ARHGAP35: variants seen among roughly 807,000 people sequenced by gnomAD.
ARHGAP35 encodes the protein rho GTPase-activating protein 35.
Under a neutral mutation model 111.1 loss-of-function variants are expected in ARHGAP35, and 15 were observed. The observed-to-expected ratio is 0.13, with a 90% CI of 0.09 to 0.21. ARHGAP35 has a LOEUF of 0.21. Among genes scored for constraint, ARHGAP35 ranks in the 10% least tolerant of loss-of-function variants. The probability of loss-of-function intolerance (pLI) is 1.00; values close to 1 mark genes in which losing one functional copy is unlikely to be tolerated. For synonymous variants in ARHGAP35, 643 were observed against 710.3 expected, an observed-to-expected ratio of 0.91 and a Z score of 1.51; for missense variants, 1,262 against 1,873.0, an observed-to-expected ratio of 0.67 and a Z score of 6.02.
chr19:46,932,762 G>A (rs544476359), intron 2 of ARHGAP35, among the ~76,000 whole-genome samples: 1 of 152,218 alleles, frequency 6.6e-6, no homozygotes, highest in Admixed American at 6.5e-5. Context: ...TAAAAAATAG[G>A]GAGTGAGATT....
At chr19:46,871,609 C>T (rs1465401469) in intron 1 of ARHGAP35, among the ~76,000 whole-genome samples, 1 of 151,926 alleles carries the variant, frequency 6.6e-6, no homozygotes, top group African/African-American at 2.4e-5. Context: ...TCCCAAAGTG[C>T]TGGGATTACA....
intron 3 of ARHGAP35, among the ~76,000 whole-genome samples, chr19:46,958,786 C>G (rs1161783442): frequency 6.6e-6 from 1 of 152,226 alleles, no homozygotes; most frequent in Non-Finnish European, 1.5e-5. Context: ...TTGAGAACTG[C>G]AATTGCATGC....
At chr19:46,873,135 T>C (rs2055896726) in intron 1 of ARHGAP35, among the ~76,000 whole-genome samples, 1 of 152,066 alleles carries the variant, frequency 6.6e-6, no homozygotes, top group Non-Finnish European at 1.5e-5. Context: ...TGGCCGACTT[T>C]ACAGTTTCCA....
intron 3 of ARHGAP35, among the ~76,000 whole-genome samples, chr19:46,981,172 C>T (rs1431920977): frequency 1.3e-5 from 2 of 152,244 alleles, no homozygotes; most frequent in African/African-American, 4.8e-5. Flanking sequence ...CCTTCTCTCC[C>T]TGAGTGCTCA....
At chr19:46,915,893 G>A (rs546158393) in intron 1 of ARHGAP35, among the ~76,000 whole-genome samples, 4 of 144,482 alleles carry the variant, frequency 2.8e-5, no homozygotes, top group East Asian at 4.1e-4. Flanking sequence ...GCCACATTCT[G>A]TGGTTCCCCA....
intron 1 of ARHGAP35, among the ~76,000 whole-genome samples, 124 bp downstream of exon 1, chr19:46,861,333 G>A (rs1467858235): frequency 6.6e-6 from 1 of 150,438 alleles, no homozygotes; most frequent in Non-Finnish European, 1.5e-5. Context: ...GGAGGGGGAG[G>A]GGAGGAGCGG....
intron 1 of ARHGAP35, among the ~76,000 whole-genome samples, chr19:46,883,613 C>G (rs1319233371): frequency 2.6e-5 from 4 of 152,046 alleles, no homozygotes; most frequent in Admixed American, 2.6e-4. Context: ...GCAAGAATTA[C>G]CAAAATGTGA....
At chr19:46,956,254 G>A (rs1270215505) in intron 3 of ARHGAP35, among the ~76,000 whole-genome samples, 1 of 152,128 alleles carries the variant, frequency 6.6e-6, no homozygotes, top group East Asian at 1.9e-4. Context: ...GGAGGCAGAG[G>A]CCACAGTAAG....
In ARHGAP35 at chr19:47,002,553, T is replaced by A. The variant is rs1047177700; in HGVS notation, c.*1865T>A. The A allele has an allele frequency of 1.3e-5, 2 of 152,156 alleles. No individual in the cohort carries two copies. Among genetic ancestry groups the A allele is most frequent in the Non-Finnish European group, 2.9e-5 (2 of 68,034 alleles). The allele number at this position is 152,156 out of a possible 1,614,324, so 9.4% of individuals were successfully genotyped here. ...TGTAGGCCCAGGGTTGGCTGGAAGG[T>A]GACATCTGTGTTTCGTTTTAGCTGA... On this transcript the variant is annotated 3_prime_UTR_variant, in exon 7 of 7. Transcript: ENST00000672722.
chr19:46,932,874 C>T (rs546291105), intron 2 of ARHGAP35, among the ~76,000 whole-genome samples: 18 of 152,262 alleles, frequency 1.2e-4, no homozygotes, highest in African/African-American at 3.9e-4. Flanking sequence ...ATCTGGGGCT[C>T]TTTGAGGTGA....
chr19:46,896,779 T>C (rs945883116), intron 1 of ARHGAP35, among the ~76,000 whole-genome samples: 1 of 152,238 alleles, frequency 6.6e-6, no homozygotes, highest in African/African-American at 2.4e-5. Context: ...GTTGGGTTAC[T>C]GTGAGAAATG....
At chr19:46,942,385 G>A (rs2056352424) in intron 3 of ARHGAP35, among the ~76,000 whole-genome samples, 1 of 152,136 alleles carries the variant, frequency 6.6e-6, no homozygotes, top group Non-Finnish European at 1.5e-5. Flanking sequence ...TGTAATCCCA[G>A]CACTTTGGGA....
At chr19:46,909,009 A>G (rs773496871) in intron 1 of ARHGAP35, among the ~76,000 whole-genome samples, 64 of 152,166 alleles carry the variant, frequency 4.2e-4, no homozygotes, top group Non-Finnish European at 6.6e-4. Flanking sequence ...TTAAAAATTA[A>G]CTTTAGAGCC....
intron 1 of ARHGAP35, among the ~76,000 whole-genome samples, chr19:46,895,830 C>T (rs901803688): frequency 2.6e-5 from 4 of 152,090 alleles, no homozygotes; most frequent in Non-Finnish European, 5.9e-5. Flanking sequence ...AGGCCAGGTG[C>T]GGTGGCTCAT....
In ARHGAP35 at chr19:46,921,439, A is replaced by G; in HGVS notation, c.2764A>G (p.Ile922Val). 2.4e-5 allele frequency: 39 copies of G among 1,613,950 alleles called. No individual in the cohort carries two copies. The highest frequency in any genetic ancestry group is 3.3e-5 in the Non-Finnish European group (39 of 1,179,874). ...AQEIDGRFTS[I>V]PCSQPQHKLE... ...AGAAATTGACGGAAGGTTCACAAGC[A>G]TCCCCTGTAGCCAACCCCAGCATAA... The change falls in exon 2 of 7, where the codon ATC becomes GTC. Residue 922 changes from isoleucine (I) to valine (V), a missense_variant. Coordinates refer to ENST00000672722, the MANE Select transcript of ARHGAP35 (RefSeq NM_004491.5). The surrounding 1 kb of genome is among the most constrained non-coding windows in gnomAD (Gnocchi z 4.3).
intron 2 of ARHGAP35, among the ~76,000 whole-genome samples, chr19:46,928,221 C>T (rs1419800277): frequency 6.6e-6 from 1 of 152,112 alleles, no homozygotes; most frequent in Non-Finnish European, 1.5e-5. Flanking sequence ...TTACAGCATA[C>T]CTGTTCTTAA....
At chr19:46,933,170 G>T (rs1297192418) in intron 2 of ARHGAP35, among the ~76,000 whole-genome samples, 5 of 143,528 alleles carry the variant, frequency 3.5e-5, no homozygotes, top group African/African-American at 1.3e-4. Context: ...CCGAGACAGG[G>T]TCTCCTGCTA....
At chr19:46,925,953 A>G (rs1251357294) in intron 2 of ARHGAP35, among the ~76,000 whole-genome samples, 2 of 152,188 alleles carry the variant, frequency 1.3e-5, no homozygotes, top group Non-Finnish European at 2.9e-5. Context: ...GGAAATATGC[A>G]TATTGTATTC....
At chr19:46,891,175 C>T (rs764332754) in intron 1 of ARHGAP35, among the ~76,000 whole-genome samples, 3 of 152,090 alleles carry the variant, frequency 2.0e-5, no homozygotes, top group East Asian at 1.9e-4. Flanking sequence ...AACTATCACC[C>T]GCCCTCCAGG....
Sources: allele counts gnomAD v4.1 joint callset (sites outside exome capture counted in the v4.1 genomes callset), GRCh38; gene constraint gnomAD v4.1.1; non-coding constraint Gnocchi (gnomAD v3.1); transcripts MANE v1.5; gene names NCBI Gene and HGNC (gene_info 2026-07-23, HGNC 2026-07-21).